Variants in WDFY3 observed in about 807,000 individuals in gnomAD.
WDFY3 encodes the protein WD repeat and FYVE domain containing 3.
Under a neutral mutation model 409.6 loss-of-function variants are expected in WDFY3, and 66 were observed. The ratio of observed to expected loss-of-function variants is 0.16; its 90% CI spans 0.13 to 0.20. The LOEUF (loss-of-function observed/expected upper bound fraction) is 0.20, where lower values mean the gene tolerates loss of function less well. Among genes scored for constraint, WDFY3 ranks in the 10% least tolerant of loss-of-function variants. The pLI, the probability that WDFY3 is intolerant of heterozygous loss-of-function variation, is 1.00. For missense variants in WDFY3, 3,031 were observed against 4,298.1 expected (o/e 0.71, Z 8.24); for synonymous variants, 1,521 against 1,537.1 (o/e 0.99, Z 0.25).
chr4:84,808,362 A>G lies in WDFY3; in HGVS notation c.2401T>C (p.Trp801Arg). The G allele has an allele frequency of 2.5e-6, 4 of 1,613,846 alleles. No individual in the cohort carries two copies. The highest frequency in any genetic ancestry group is 3.4e-6 in the Non-Finnish European group (4 of 1,179,770). ...LTSESSLPSP[W>R]GTPALSRKRH... ...TTCCTGGACAAAGCTGGTGTACCCC[A>G]AGGAGAGGGGAGAGAAGACTCACTT... The change falls in exon 15 of 68, where the codon TGG becomes CGG. Residue 801 changes from tryptophan (W) to arginine (R), a missense_variant. Physicochemically the swap from Trp to Arg is moderately radical, Grantham distance 101. Around this residue, in one of 16 missense-constraint regions of WDFY3, gnomAD observed 1,322 missense variants for 1,697.9 expected, o/e 0.78. Transcript: ENST00000295888.
At chr4:84,693,672 C>T (rs1362126398) in intron 58 of WDFY3, among the ~76,000 whole-genome samples, 5 of 151,952 alleles carry the variant, frequency 3.3e-5, no homozygotes, top group Non-Finnish European at 7.4e-5. Context: ...CTGAGGCAGG[C>T]GGATCATGAG....
intron 37 of WDFY3, 25 bp from the exon 38 acceptor site, chr4:84,741,946 C>G (rs1260779463): frequency 1.9e-6 from 3 of 1,554,124 alleles, no homozygotes; most frequent in Non-Finnish European, 2.6e-6. Context: ...GAAAAAAAGT[C>G]TAAGAAAATT....
chr4:84,678,368 T>C, intron 65 of WDFY3, 89 bp from the exon 66 acceptor site: 1 of 936,026 alleles, frequency 1.1e-6, no homozygotes, highest in Non-Finnish European at 1.7e-6. Flanking sequence ...GCCTTAAACT[T>C]AGGGTACCTC....
chr4:84,678,542 A>G (rs2148743344), intron 65 of WDFY3, among the ~76,000 whole-genome samples: 1 of 152,314 alleles, frequency 6.6e-6, no homozygotes. Flanking sequence ...GATGCATCCA[A>G]TTTCTCCAAT....
intron 27 of WDFY3, among the ~76,000 whole-genome samples, chr4:84,777,039 A>C (rs1745675271): frequency 6.6e-6 from 1 of 152,090 alleles, no homozygotes; most frequent in Admixed American, 6.6e-5. Context: ...CCTATATGAC[A>C]ATATCAGACT....
chr4:84,923,408 C>T (rs1370160956), intron 2 of WDFY3, among the ~76,000 whole-genome samples: 1 of 152,150 alleles, frequency 6.6e-6, no homozygotes, highest in Non-Finnish European at 1.5e-5. Flanking sequence ...ACATTTTTTG[C>T]AAGTTACTGC....
chr4:84,754,966 A>T (rs1415464641), intron 34 of WDFY3, among the ~76,000 whole-genome samples: 3 of 152,120 alleles, frequency 2.0e-5, no homozygotes, highest in Non-Finnish European at 4.4e-5. Flanking sequence ...ACCCTAAGAG[A>T]TGCATGCTAT....
At chr4:84,726,994 G>T in intron 44 of WDFY3, 83 bp from the exon 45 acceptor site, 1 of 1,257,608 alleles carries the variant, frequency 8.0e-7, no homozygotes, top group Non-Finnish European at 1.1e-6. Flanking sequence ...CTTGAGGATT[G>T]TATGAAATAT....
At chr4:84,952,537 T>A (rs1773740054) in intron 1 of WDFY3, among the ~76,000 whole-genome samples, 1 of 152,146 alleles carries the variant, frequency 6.6e-6, no homozygotes, top group Admixed American at 6.6e-5. Context: ...TTTTCTTGCT[T>A]TCCTCTCATC....
chr4:84,719,497 C>G (rs1015954054), intron 47 of WDFY3, among the ~76,000 whole-genome samples: 1 of 152,106 alleles, frequency 6.6e-6, no homozygotes, highest in Non-Finnish European at 1.5e-5. Context: ...TTAAAGCAAC[C>G]AGAGCAAAAA....
chr4:84,806,276 G>A (rs1751489936), intron 15 of WDFY3, among the ~76,000 whole-genome samples: 2 of 152,260 alleles, frequency 1.3e-5, no homozygotes, highest in African/African-American at 4.8e-5. Context: ...TCTTACCATT[G>A]AGCAAAATGT....
intron 37 of WDFY3, 148 bp downstream of exon 37, chr4:84,743,552 G>A (rs1738824024): frequency 2.3e-6 from 1 of 426,846 alleles, no homozygotes; most frequent in Admixed American, 4.6e-5. Context: ...CATGCAACAA[G>A]ATAGACAAAT....
chr4:84,695,178 G>A (rs1188203809), intron 58 of WDFY3, among the ~76,000 whole-genome samples: 2 of 152,134 alleles, frequency 1.3e-5, no homozygotes, highest in Non-Finnish European at 2.9e-5. Flanking sequence ...CAGAAGGGAT[G>A]AGGTCTCTTC....
intron 62 of WDFY3, among the ~76,000 whole-genome samples, chr4:84,684,898 T>C (rs966076028): frequency 2.0e-5 from 3 of 152,212 alleles, no homozygotes; most frequent in Non-Finnish European, 4.4e-5. Context: ...AAGCATCTCC[T>C]GTGTGCCAGT....
chr4:84,854,504 G>C (rs554493496), intron 4 of WDFY3, among the ~76,000 whole-genome samples: 1 of 152,320 alleles, frequency 6.6e-6, no homozygotes, highest in East Asian at 1.9e-4. Context: ...ACTATACAAT[G>C]CTTCCATCAT....
chr4:84,821,617 T>G lies in WDFY3; in HGVS notation c.1124-66A>C, dbSNP rs1019648802. ...ATATTTTAATGATGGCAAACTAGTC[T>G]GTTTAAACACATCATGAATTATAAC... On this transcript the variant is annotated intron_variant, in intron 10 of 67. Coordinates refer to ENST00000295888, the MANE Select transcript of WDFY3 (RefSeq NM_014991.6). 14 of 1,282,440 alleles carry G rather than the reference T, an allele frequency of 1.1e-5. No homozygotes were observed. In the African/African-American group the frequency reaches 2.1e-4, roughly 19 times the overall value. The allele number at this position is 1,282,440 out of a possible 1,614,324, so 79.4% of individuals were successfully genotyped here. A position where few individuals can be genotyped will look rare whatever the true frequency, so the allele number is the denominator to read the frequency against.
chr4:84,712,572 T>A (rs1733105342), intron 51 of WDFY3, among the ~76,000 whole-genome samples: 3 of 151,362 alleles, frequency 2.0e-5, no homozygotes, highest in African/African-American at 7.3e-5. Context: ...AATACAAAAA[T>A]TAGCCAGGTG....
intron 48 of WDFY3, among the ~76,000 whole-genome samples, chr4:84,717,962 G>A (rs1054540054): frequency 6.7e-5 from 10 of 149,196 alleles, no homozygotes; most frequent in African/African-American, 2.2e-4. Flanking sequence ...GCAGGAGAAT[G>A]GCATGAACCC....
intron 3 of WDFY3, among the ~76,000 whole-genome samples, chr4:84,863,874 G>T (rs770594972): frequency 6.6e-6 from 1 of 152,056 alleles, no homozygotes; most frequent in Admixed American, 6.6e-5. Flanking sequence ...TATTTCTGGT[G>T]TCTCTATTCC....
Sources: gnomAD v4.1 joint callset for allele counts (sites outside exome capture counted in the v4.1 genomes callset) on GRCh38, gnomAD v4.1.1 for gene constraint, gnomAD v4.1.1 regional missense constraint, MANE v1.5 for transcripts, NCBI Gene and HGNC (gene_info 2026-07-23, HGNC 2026-07-21) for gene names.